Variants in RIC3 observed in about 807,000 individuals in gnomAD.
RIC3 encodes the protein RIC3 acetylcholine receptor chaperone, also known as protein RIC-3.
Under a neutral mutation model 27.3 loss-of-function variants are expected in RIC3, and 28 were observed. That is an observed-to-expected ratio of 1.02 (90% CI 0.76 to 1.41). The LOEUF is 1.41. Ranked by LOEUF, RIC3 falls within the 40% of genes most tolerant of loss-of-function variation. RIC3 has a pLI of 0.00. For synonymous variants in RIC3, 184 were observed against 160.4 expected, an observed-to-expected ratio of 1.15 and a Z score of -1.11; for missense variants, 501 against 444.7, an observed-to-expected ratio of 1.13 and a Z score of -1.14.
At chr11:8,152,126 G>C (rs1307800175) in intron 1 of RIC3, among the ~76,000 whole-genome samples, 6 of 152,224 alleles carry the variant, frequency 3.9e-5, no homozygotes, top group Admixed American at 1.3e-4. Context: ...AAAGAAAAAG[G>C]AACTCTCATA....
intron 1 of RIC3, among the ~76,000 whole-genome samples, chr11:8,151,830 C>T (rs1468153501): frequency 4.0e-5 from 6 of 150,154 alleles, no homozygotes; most frequent in African/African-American, 7.4e-5. Context: ...GCAGGAGAAT[C>T]GCTTGAACCC....
At chr11:8,100,700 T>TAC in the RIC3 span, 1 of 1,383,022 alleles carries the variant, frequency 7.2e-7, no homozygotes, top group Non-Finnish European at 1.0e-6. Flanking sequence ...TGTGGAGGGG[T>TAC]ACCATGTGAG....
At position 8,107,125 on chromosome 11, in the gene RIC3, A is replaced by G. The variant is rs1944753974; in HGVS notation, c.*3573T>C. 1.3e-5 allele frequency: 2 copies of G among 152,254 alleles called. No homozygotes were observed. Among genetic ancestry groups the G allele is most frequent in the African/African-American group, 4.8e-5 (2 of 41,468 alleles). 9.4% of individuals were successfully genotyped at this position (152,254 alleles called of 1,614,324 possible). On this transcript the variant is annotated 3_prime_UTR_variant, in exon 6 of 6. Transcript: ENST00000309737. ...TATAAAAAAAGGGAAATAAAGGAAA[A>G]GGAAGCACATTTTAGAAAAGTCAAT...
At position 8,138,504 on chromosome 11, in the gene RIC3, G is replaced by A. The variant is rs187294264; in HGVS notation, c.352-157C>T. On this transcript the variant is annotated intron_variant, in intron 2 of 5. Transcript: ENST00000309737. Reference sequence around the variant, plus strand: ...AGAGAAATAGCTCAAAAAAAAAAACGCCAAAAGATGAGGTTTCCAAGTAAA... The same window carrying A: ...AGAGAAATAGCTCAAAAAAAAAAACACCAAAAGATGAGGTTTCCAAGTAAA... 1,729 of 485,434 alleles carry A rather than the reference G, an allele frequency of 3.6e-3. 13 individuals are homozygous for A. Among genetic ancestry groups the A allele is most frequent in the Non-Finnish European group, 4.0e-3 (1,118 of 277,238 alleles). The allele number at this position is 485,434 out of a possible 1,614,324, so 30.1% of individuals were successfully genotyped here.
intron 1 of RIC3, among the ~76,000 whole-genome samples, chr11:8,167,250 A>C (rs1338526884): frequency 1.3e-5 from 2 of 152,224 alleles, no homozygotes; most frequent in Non-Finnish European, 2.9e-5. Context: ...GAAGGTGAAG[A>C]CAAAAAAACA....
rs1464898300 is a variant in RIC3, at chr11:8,106,995, C to CCAAA, written c.*3699_*3702dup. ...CTTTATAAACAGCATCTTATTTAAT[C>CCAAA]CAAACAGCCCTGTAAATAGAGCATT... On this transcript the variant is annotated 3_prime_UTR_variant, in exon 6 of 6. Transcript: ENST00000309737. 6.6e-6 allele frequency: 1 copy of CCAAA among 152,184 alleles called. No individual in the cohort carries two copies. The highest frequency in any genetic ancestry group is 6.5e-5 in the Admixed American group (1 of 15,282). The allele number at this position is 152,184 out of a possible 1,614,324, so 9.4% of individuals were successfully genotyped here.
chr11:8,139,938 T>C (rs1590236362), intron 2 of RIC3, 29 bp downstream of exon 2: 1 of 1,566,720 alleles, frequency 6.4e-7, no homozygotes. Flanking sequence ...TTTTCATTGA[T>C]GTAATATGAT....
intron 1 of RIC3, among the ~76,000 whole-genome samples, chr11:8,146,914 C>T (rs1202086366): frequency 6.6e-6 from 1 of 152,130 alleles, no homozygotes; most frequent in Non-Finnish European, 1.5e-5. Context: ...AGATAGCAGA[C>T]TTCTGAGGGA....
At chr11:8,115,671 G>A (rs1023561955) in intron 5 of RIC3, among the ~76,000 whole-genome samples, 8 of 152,182 alleles carry the variant, frequency 5.3e-5, no homozygotes, top group South Asian at 2.1e-4. Flanking sequence ...GCTCGGCATG[G>A]TGGTGCATGC....
chr11:8,162,992 C>T (rs2134318545), intron 1 of RIC3, among the ~76,000 whole-genome samples: 1 of 148,204 alleles, frequency 6.7e-6, no homozygotes. Context: ...ACCTAGAATG[C>T]CCTTCTTTTT....
the RIC3 span, chr11:8,098,824 C>A: frequency 2.5e-6 from 4 of 1,614,078 alleles, no homozygotes; most frequent in Non-Finnish European, 2.5e-6. Flanking sequence ...AGGCCTCATC[C>A]TCCACTTTGG....
chr11:8,151,494 G>A (rs962947842), intron 1 of RIC3, among the ~76,000 whole-genome samples: 2 of 144,666 alleles, frequency 1.4e-5, no homozygotes, highest in Non-Finnish European at 3.0e-5. Flanking sequence ...GCTGAGGCAG[G>A]AGAATGGCGT....
intron 1 of RIC3, among the ~76,000 whole-genome samples, chr11:8,155,897 T>G (rs772224402): frequency 3.9e-5 from 6 of 152,224 alleles, no homozygotes; most frequent in Non-Finnish European, 5.9e-5. Context: ...TTACTTGAAG[T>G]AGAAGCCAAG....
intron 1 of RIC3, among the ~76,000 whole-genome samples, chr11:8,144,474 A>C (rs1331171179): frequency 6.8e-6 from 1 of 147,446 alleles, no homozygotes; most frequent in Non-Finnish European, 1.5e-5. Flanking sequence ...TCAAAACCAC[A>C]ATGAGATACC....
At chr11:8,134,066 T>C (rs1375437590) in intron 4 of RIC3, among the ~76,000 whole-genome samples, 1 of 152,070 alleles carries the variant, frequency 6.6e-6, no homozygotes, top group Admixed American at 6.6e-5. Flanking sequence ...TACATACGTA[T>C]ACACGTGCCA....
chr11:8,102,601 C>CCTCTCTCT (rs61390438), downstream of RIC3: 4 of 151,066 alleles, frequency 2.6e-5, no homozygotes, highest in South Asian at 2.1e-4. Flanking sequence ...AAGAATCTCT[C>CCTCTCTCT]CTCTCTCTCT....
chr11:8,140,679 C>T (rs1023270761), intron 1 of RIC3, among the ~76,000 whole-genome samples: 2 of 152,184 alleles, frequency 1.3e-5, no homozygotes, highest in African/African-American at 2.4e-5. Flanking sequence ...CTGCTGCCAC[C>T]TCACTAACTT....
rs1356467927 is a variant in RIC3, at chr11:8,163,034, CACACACACACACACACAT to C, written c.124+5814_124+5831del. Reference sequence around the variant, plus strand: ...GATTATTTAAACACACACACACACACACACACACACACACACATACACACACACACACACCCCCCAAAA... The same window carrying C: ...GATTATTTAAACACACACACACACACACACACACACACACACCCCCCAAAA... On this transcript the variant is annotated intron_variant, in intron 1 of 5. Coordinates refer to ENST00000309737, the MANE Select transcript of RIC3 (RefSeq NM_001206671.4). 1.3e-4 allele frequency among the ~76,000 whole-genome samples: 19 copies of C among 146,166 alleles called. No individual in the cohort carries two copies. In the East Asian group the frequency reaches 3.3e-3, roughly 26 times the overall value.
chr11:8,140,500 C>T (rs1269624466), intron 1 of RIC3, among the ~76,000 whole-genome samples: 1 of 152,148 alleles, frequency 6.6e-6, no homozygotes, highest in East Asian at 1.9e-4. Flanking sequence ...TAGGACTGTG[C>T]TAGCTCAAGG....
Sources: gnomAD v4.1 joint callset for allele counts (sites outside exome capture counted in the v4.1 genomes callset) on GRCh38, gnomAD v4.1.1 for gene constraint, MANE v1.5 for transcripts, NCBI Gene and HGNC (gene_info 2026-07-23, HGNC 2026-07-21) for gene names.